Variants in ANKS3 observed in about 807,000 individuals in gnomAD.
ANKS3 encodes ankyrin repeat and SAM domain-containing protein 3.
A neutral mutation model predicts 80.7 loss-of-function variants in ANKS3; 62 were observed. The observed-to-expected ratio is 0.77, with a 90% CI of 0.63 to 0.95. The LOEUF is 0.95. ANKS3 is among the 40% of genes least tolerant of loss of function. The probability of loss-of-function intolerance (pLI) is 0.00; values close to 1 mark genes in which losing one functional copy is unlikely to be tolerated. For synonymous variants in ANKS3, 489 were observed against 355.3 expected (o/e 1.38, Z -4.23); for missense variants, 1,150 against 883.6 (o/e 1.30, Z -3.82).
At chr16:4,725,343 CCTT>C (rs1463784875) in intron 5 of ANKS3, among the ~76,000 whole-genome samples, 1 of 152,188 alleles carries the variant, frequency 6.6e-6, no homozygotes, top group Admixed American at 6.5e-5. Flanking sequence ...CCAAATCCCT[CCTT>C]GTCTCATGCT....
chr16:4,732,458 G>A (rs925928271), intron 1 of ANKS3, among the ~76,000 whole-genome samples: 5 of 152,106 alleles, frequency 3.3e-5, no homozygotes, highest in Admixed American at 6.6e-5. Flanking sequence ...CAAGCGTGAC[G>A]GACCACTTGA....
At position 4,720,384 on chromosome 16, in the gene ANKS3, C is replaced by T. The variant is rs1426898459; in HGVS notation, c.573+4366G>A. Among the ~76,000 whole-genome samples the T allele has an allele frequency of 3.3e-5, 5 of 150,326 alleles. 1 individual carries two copies. The highest frequency in any genetic ancestry group is 7.4e-5 in the Non-Finnish European group (5 of 67,302). On this transcript the variant is annotated intron_variant, in intron 6 of 17. Transcript: ENST00000304283. ...GGCTGAGGCAGGAAAATCGCTTGAA[C>T]CTGGGAGGCAGAGGTTGCAGTGAGC...
chr16:4,728,454 G>T lies in ANKS3; in HGVS notation c.171-1277C>A, dbSNP rs552114551. On this transcript the variant is annotated intron_variant, in intron 3 of 17. Coordinates refer to ENST00000304283, the MANE Select transcript of ANKS3 (RefSeq NM_133450.4). ...CATTCCAGAAGGTCCTGATACCAGG[G>T]TTCAGTGGCAGCCCCTGGCCAGGGG... Among the ~76,000 whole-genome samples the T allele has an allele frequency of 4.6e-5, 7 of 152,226 alleles. No homozygotes were observed. In the East Asian group the frequency reaches 5.8e-4, roughly 13 times the overall value.
chr16:4,709,823 C>A (rs1323027412), intron 7 of ANKS3, among the ~76,000 whole-genome samples: 2 of 152,072 alleles, frequency 1.3e-5, no homozygotes, highest in Non-Finnish European at 2.9e-5. Flanking sequence ...CCAACCTGGT[C>A]AGTATAGCAA....
intron 3 of ANKS3, 117 bp from the exon 4 acceptor site, chr16:4,727,294 C>G: frequency 9.8e-7 from 1 of 1,020,910 alleles, no homozygotes; most frequent in African/African-American, 1.6e-5. Context: ...AAGTTATCTG[C>G]CACCCTGGAC....
chr16:4,714,548 C>T (rs975248277), intron 6 of ANKS3, among the ~76,000 whole-genome samples: 1 of 152,250 alleles, frequency 6.6e-6, no homozygotes, highest in African/African-American at 2.4e-5. Flanking sequence ...CCTTTTAAAC[C>T]AGTCAGAATG....
At chr16:4,708,636 TA>T (rs1480674067) in intron 7 of ANKS3, among the ~76,000 whole-genome samples, 1 of 151,984 alleles carries the variant, frequency 6.6e-6, no homozygotes, top group African/African-American at 2.4e-5. Context: ...GTATTTAACT[TA>T]AGAAAAAAAG....
At chr16:4,714,355 AC>A (rs2080662081) in intron 6 of ANKS3, 169 bp from the exon 7 acceptor site, 2 of 1,009,964 alleles carry the variant, frequency 2.0e-6, no homozygotes, top group Non-Finnish European at 2.8e-6. Flanking sequence ...CACCGCAGCC[AC>A]AAGTTTTGCT....
intron 7 of ANKS3, 166 bp downstream of exon 7, chr16:4,713,885 T>A (rs1596395558): frequency 1.1e-6 from 1 of 948,746 alleles, no homozygotes; most frequent in African/African-American, 1.7e-5. Flanking sequence ...TTATCTCCTG[T>A]TAGAGCAGGG....
In ANKS3 at chr16:4,726,960, G is replaced by A. The variant is rs1365965682; in HGVS notation, c.369+19C>T. 1.2e-6 allele frequency: 2 copies of A among 1,613,508 alleles called. No homozygotes were observed. The highest frequency in any genetic ancestry group is 2.2e-5 in the East Asian group (1 of 44,892). ...CGGAGCCCCTCAGGTTTCTGGGCCT[G>A]AGTTCCCTCGTAGCTCACCTGGAGA... On this transcript the variant is annotated intron_variant, in intron 4 of 17. Transcript: ENST00000304283.
chr16:4,715,936 A>G (rs1444705846), intron 6 of ANKS3, among the ~76,000 whole-genome samples: 1 of 152,104 alleles, frequency 6.6e-6, no homozygotes, highest in Admixed American at 6.6e-5. Flanking sequence ...ATCAGAAGGA[A>G]CTTAAAATAA....
intron 6 of ANKS3, among the ~76,000 whole-genome samples, chr16:4,716,276 G>A (rs1596404696): frequency 1.3e-5 from 2 of 148,728 alleles, no homozygotes; most frequent in African/African-American, 2.5e-5. Flanking sequence ...CAGGAGAATC[G>A]CTTGAACCCA....
At chr16:4,714,834 A>G (rs1056574234) in intron 6 of ANKS3, among the ~76,000 whole-genome samples, 4 of 151,938 alleles carry the variant, frequency 2.6e-5, no homozygotes, top group African/African-American at 9.7e-5. Context: ...TCTACTAAAA[A>G]TACAAAAATT....
At chr16:4,708,674 C>T (rs534212526) in intron 7 of ANKS3, among the ~76,000 whole-genome samples, 34 of 152,106 alleles carry the variant, frequency 2.2e-4, no homozygotes, top group Non-Finnish European at 4.0e-4. Flanking sequence ...GTGGCTCACA[C>T]CTGTAATTCT....
At chr16:4,721,519 G>A (rs1191636298) in intron 6 of ANKS3, among the ~76,000 whole-genome samples, 1 of 151,362 alleles carries the variant, frequency 6.6e-6, no homozygotes, top group Non-Finnish European at 1.5e-5. Context: ...GCTGAGGCAG[G>A]AGGATCACTT....
intron 3 of ANKS3, among the ~76,000 whole-genome samples, chr16:4,728,562 C>G (rs1326136717): frequency 6.6e-6 from 1 of 152,108 alleles, no homozygotes; most frequent in Non-Finnish European, 1.5e-5. Context: ...AACAGCAGAG[C>G]ATCTCCCTGG....
rs1352851419 is a variant in ANKS3 at position 4,696,706 on chromosome 16, C to T, written c.*202G>A. On this transcript the variant is annotated 3_prime_UTR_variant, in exon 18 of 18. Coordinates refer to ENST00000304283, the MANE Select transcript of ANKS3 (RefSeq NM_133450.4). ...GAGGTTCTGGGTGAGGCCCTCGTCC[C>T]GCCTCAGTGCTGGCCCGAGCTGCCG... 1.1e-5 allele frequency: 5 copies of T among 437,260 alleles called. No individual in the cohort carries two copies. The highest frequency in any genetic ancestry group is 4.7e-5 in the South Asian group (2 of 42,490). 27.1% of individuals were successfully genotyped at this position (437,260 alleles called of 1,614,324 possible).
chr16:4,720,545 C>T (rs577241325), intron 6 of ANKS3, among the ~76,000 whole-genome samples: 3 of 151,374 alleles, frequency 2.0e-5, no homozygotes, highest in African/African-American at 7.2e-5. Flanking sequence ...ACACTACCCA[C>T]TACCGACTGA....
intron 6 of ANKS3, among the ~76,000 whole-genome samples, chr16:4,721,509 G>T (rs997151774): frequency 2.6e-5 from 4 of 151,208 alleles, no homozygotes; most frequent in African/African-American, 9.7e-5. Flanking sequence ...TACTTGGGAG[G>T]CTGAGGCAGG....
Sources: gnomAD v4.1 joint callset for allele counts (sites outside exome capture counted in the v4.1 genomes callset) on GRCh38, gnomAD v4.1.1 for gene constraint, MANE v1.5 for transcripts, NCBI Gene and HGNC (gene_info 2026-07-23, HGNC 2026-07-21) for gene names.